Variants in TMEM67 observed in about 807,000 individuals in gnomAD.
TMEM67 encodes the protein meckelin.
A neutral mutation model predicts 136.6 loss-of-function variants in TMEM67; 124 were observed. That is an observed-to-expected ratio of 0.91 (90% CI 0.78 to 1.05). The LOEUF is 1.05. TMEM67 is among the 50% of genes least tolerant of loss of function. The pLI is 0.00. For synonymous variants in TMEM67, 364 were observed against 390.5 expected (o/e 0.93, Z 0.80); for missense variants, 1,107 against 1,178.4 (o/e 0.94, Z 0.89).
chr8:93,790,312 G>T (rs1814318756), intron 14 of TMEM67, among the ~76,000 whole-genome samples: 1 of 151,982 alleles, frequency 6.6e-6, no homozygotes, highest in African/African-American at 2.4e-5. Context: ...CTGATTCATT[G>T]TCCTTCCCAT....
At chr8:93,829,382 CTGTGTGTGTGTG>C in the TMEM67 span, among the ~76,000 whole-genome samples, 102 of 137,600 alleles carry the variant, frequency 7.4e-4, no homozygotes, top group Admixed American at 1.1e-3. Flanking sequence ...CTCTCTCTCT[CTGTGTGTGTGTG>C]TGTGTGTGTG....
the TMEM67 span, among the ~76,000 whole-genome samples, chr8:93,830,599 G>A: frequency 3.3e-5 from 5 of 152,232 alleles, no homozygotes; most frequent in African/African-American, 7.2e-5. Flanking sequence ...TGCTTGTTTG[G>A]TGGTGGGGAG....
chr8:93,780,091 C>T (rs1212592881), intron 7 of TMEM67, among the ~76,000 whole-genome samples: 2 of 152,024 alleles, frequency 1.3e-5, no homozygotes, highest in African/African-American at 2.4e-5. Flanking sequence ...GGCAGACACC[C>T]CTCCCCCTGC....
At chr8:93,764,828 G>T (rs1308036194) in intron 4 of TMEM67, among the ~76,000 whole-genome samples, 2 of 152,050 alleles carry the variant, frequency 1.3e-5, no homozygotes, top group Non-Finnish European at 1.5e-5. Flanking sequence ...TATTTTGCAA[G>T]TGATGAATAC....
chr8:93,775,139 G>A (rs1482593926), intron 7 of TMEM67, among the ~76,000 whole-genome samples: 1 of 152,130 alleles, frequency 6.6e-6, no homozygotes, highest in Non-Finnish European at 1.5e-5. Context: ...GTGTCTGTTG[G>A]CTGCATAAAT....
At position 93,772,591 on chromosome 8, in the gene TMEM67, C is replaced by T. The variant is rs747750770; in HGVS notation, c.654C>T (p.Gly218=). 2 of 1,610,908 alleles carry T rather than the reference C, an allele frequency of 1.2e-6. No individual in the cohort carries two copies. The highest frequency in any genetic ancestry group is 2.2e-5 in the South Asian group (2 of 90,790). The change falls in exon 7 of 28, where the codon GGC becomes GGT. Residue 218 remains glycine (G), a splice_region_variant and synonymous_variant. Transcript: ENST00000453321. ...AAAATGTATCTTTTTGTTTACAGGG[C>T]ATGTCTTTAACTTCAGAATGGTTTG... ...RISAARYGEV[G]MSLTSEWFAK...
intron 7 of TMEM67, among the ~76,000 whole-genome samples, chr8:93,775,170 T>C (rs929219659): frequency 2.0e-5 from 3 of 152,254 alleles, no homozygotes; most frequent in African/African-American, 7.2e-5. Flanking sequence ...GAGAAGTGTC[T>C]GTTCATATCC....
Position 93,762,644 on chromosome 8 carries a change from G to T in TMEM67, c.407-1198G>T, listed in dbSNP as rs1326520237. ...TATTAACTTGATTCTCACGGTATTT[G>T]GGGGGTGTATTCTTAGGGATGGGAC... On this transcript the variant is annotated intron_variant, in intron 3 of 27. Transcript: ENST00000453321. Among the ~76,000 whole-genome samples the T allele has an allele frequency of 2.0e-5, 3 of 151,272 alleles. 1 individual carries two copies. Among genetic ancestry groups the T allele is most frequent in the Non-Finnish European group, 4.4e-5 (3 of 67,436 alleles).
Position 93,756,125 on chromosome 8 carries a change from G to A in TMEM67, c.312+259G>A, listed in dbSNP as rs73324988. The A allele has an allele frequency of 6.9e-3, 2,399 of 349,046 alleles. 58 individuals carry two copies. The highest frequency in any genetic ancestry group is 0.048 in the African/African-American group (2,217 of 46,626). The allele number at this position is 349,046 out of a possible 1,614,324, so 21.6% of individuals were successfully genotyped here. On this transcript the variant is annotated intron_variant, in intron 2 of 27. Transcript: ENST00000453321. ...AAAATTTAAGTTTTTGTTTTTACTC[G>A]TAGAATAACTCGGTTATGAAGAAAA...
At chr8:93,827,593 T>TC in the TMEM67 span, among the ~76,000 whole-genome samples, 1 of 150,438 alleles carries the variant, frequency 6.6e-6, no homozygotes, top group Non-Finnish European at 1.5e-5. Flanking sequence ...TTTTTTTTTT[T>TC]GTATTTTTTG....
chr8:93,781,926 C>CTT (rs68031743), intron 10 of TMEM67, among the ~76,000 whole-genome samples, 182 bp downstream of exon 10: 12 of 148,002 alleles, frequency 8.1e-5, no homozygotes, highest in South Asian at 2.1e-4. Context: ...TTTGTTTTTT[C>CTT]TTTTTTTTTT....
At position 93,791,250 on chromosome 8, in the gene TMEM67, T is replaced by C; in HGVS notation, c.1519-13T>C. 6.3e-7 allele frequency: 1 copy of C among 1,577,024 alleles called. No homozygotes were observed. ...ATTTCAGTATAGCTAATTTGTTTTG[T>C]TTTAAATATCAGGTTTCTTTCTCAG... On this transcript the variant is annotated splice_polypyrimidine_tract_variant and intron_variant, in intron 14 of 27. Transcript: ENST00000453321.
At position 93,781,763 on chromosome 8, in the gene TMEM67, A is replaced by G; in HGVS notation, c.1065+19A>G. On this transcript the variant is annotated intron_variant, in intron 10 of 27. Coordinates refer to ENST00000453321, the MANE Select transcript of TMEM67 (RefSeq NM_153704.6). ...TTTACAGGTAAGCATGATTCTAGTT[A>G]AAGAATTAATAACATGCATTATTTT... 1 of 1,461,776 alleles carries G rather than the reference A, an allele frequency of 6.8e-7. No individual in the cohort carries two copies. The highest frequency in any genetic ancestry group is 9.5e-7 in the Non-Finnish European group (1 of 1,048,692). The allele number at this position is 1,461,776 out of a possible 1,614,324, so 90.6% of individuals were successfully genotyped here. A position where few individuals can be genotyped will look rare whatever the true frequency, so the allele number is the denominator to read the frequency against.
At chr8:93,825,991 T>C in the TMEM67 span, among the ~76,000 whole-genome samples, 1 of 152,206 alleles carries the variant, frequency 6.6e-6, no homozygotes, top group African/African-American at 2.4e-5. Flanking sequence ...ACCTTAAAGC[T>C]AACTGCCTTA....
intron 7 of TMEM67, among the ~76,000 whole-genome samples, 200 bp from the exon 8 acceptor site, chr8:93,780,393 C>G (rs1484190800): frequency 6.6e-6 from 1 of 152,088 alleles, no homozygotes; most frequent in Non-Finnish European, 1.5e-5. Context: ...CCAACCAGTC[C>G]CAATGAGATG....
chr8:93,819,132 C>T (rs1429551125), downstream of TMEM67: 6 of 453,084 alleles, frequency 1.3e-5, no homozygotes, highest in African/African-American at 1.2e-4. Context: ...GTGCTTTTAA[C>T]ATTGAGTAAA....
intron 7 of TMEM67, among the ~76,000 whole-genome samples, chr8:93,777,173 T>C (rs1813585410): frequency 6.6e-6 from 1 of 152,250 alleles, no homozygotes; most frequent in Non-Finnish European, 1.5e-5. Context: ...TAGTAGTTTG[T>C]ATTTCTGTGG....
At position 93,799,581 on chromosome 8, in the gene TMEM67, T is replaced by C. The variant is rs771666809; in HGVS notation, c.2101-37T>C. The C allele has an allele frequency of 1.9e-6, 3 of 1,600,616 alleles. No homozygotes were observed. In the South Asian group the frequency reaches 3.3e-5, roughly 18 times the overall value. ...AGTCTAGAGTAGTTTTCTTTATCCATGTCCGTTTAAATTACTACTTTTCCT... is the reference window on the plus strand; with the variant it reads ...AGTCTAGAGTAGTTTTCTTTATCCACGTCCGTTTAAATTACTACTTTTCCT... On this transcript the variant is annotated intron_variant, in intron 20 of 27. Coordinates refer to ENST00000453321, the MANE Select transcript of TMEM67 (RefSeq NM_153704.6).
Position 93,817,841 on chromosome 8 carries a change from C to T in TMEM67, c.*1389C>T, listed in dbSNP as rs1382648150. 6.6e-6 allele frequency: 1 copy of T among 152,102 alleles called. No individual in the cohort carries two copies. The highest frequency in any genetic ancestry group is 2.4e-5 in the African/African-American group (1 of 41,398). 9.4% of individuals were successfully genotyped at this position (152,102 alleles called of 1,614,324 possible). ...CTGCAGTTTCTGAAGGATCACAGTA[C>T]AGGAATGCCTTTATAAAAGCTGCAG... is the stretch of plus-strand genomic sequence containing the variant. On this transcript the variant is annotated 3_prime_UTR_variant, in exon 28 of 28. Transcript: ENST00000453321.
Sources: gnomAD v4.1 joint callset for allele counts (sites outside exome capture counted in the v4.1 genomes callset) on GRCh38, gnomAD v4.1.1 for gene constraint, MANE v1.5 for transcripts, NCBI Gene and HGNC (gene_info 2026-07-23, HGNC 2026-07-21) for gene names.